IMMP2L: variants seen among roughly 807,000 people sequenced by gnomAD.
The protein encoded by IMMP2L is mitochondrial inner membrane protease subunit 2.
IMMP2L carries 18 observed loss-of-function variants against 19.3 expected under a neutral mutation model. The observed-to-expected ratio is 0.93, with a 90% CI of 0.64 to 1.38. The LOEUF is 1.38. Ranked by LOEUF, IMMP2L falls within the 40% of genes most tolerant of loss-of-function variation. The probability of loss-of-function intolerance (pLI) is 0.00; values close to 1 mark genes in which losing one functional copy is unlikely to be tolerated. For missense variants in IMMP2L, 233 were observed against 218.2 expected (o/e 1.07, Z -0.43); for synonymous variants, 76 against 73.0 (o/e 1.04, Z -0.21).
intron 3 of IMMP2L, among the ~76,000 whole-genome samples, chr7:111,234,811 T>C (rs1814100328): frequency 6.6e-6 from 1 of 152,126 alleles, no homozygotes; most frequent in Admixed American, 6.5e-5. Flanking sequence ...CCACATCATA[T>C]ATAGTATAAG....
Position 111,222,799 on chromosome 7 carries a change from C to T in IMMP2L, c.240-259234G>A, listed in dbSNP as rs1325426857. 3.3e-5 allele frequency among the ~76,000 whole-genome samples: 5 copies of T among 151,816 alleles called. No homozygotes were observed. In the East Asian group the frequency reaches 9.7e-4, roughly 29 times the overall value. On this transcript the variant is annotated intron_variant, in intron 3 of 5. Coordinates refer to ENST00000405709, the MANE Select transcript of IMMP2L (RefSeq NM_032549.4). ...TTTAGTAAATTAAAGAAATGTATAC[C>T]AAAGACCTGGCAATTCCACTTCTAG... is the stretch of plus-strand genomic sequence containing the variant.
chr7:110,997,437 G>T (rs998474702), intron 3 of IMMP2L, among the ~76,000 whole-genome samples: 2 of 152,024 alleles, frequency 1.3e-5, no homozygotes, highest in African/African-American at 4.8e-5. Context: ...GGGTTATATG[G>T]TCAAATTGTT....
chr7:111,356,564 A>G (rs1407483207), intron 3 of IMMP2L, among the ~76,000 whole-genome samples: 3 of 152,160 alleles, frequency 2.0e-5, no homozygotes, highest in Non-Finnish European at 4.4e-5. Flanking sequence ...CCCTTATTCA[A>G]CGTTAAATCC....
In IMMP2L at chr7:110,804,218, T is replaced by C. The variant is rs143811837; in HGVS notation, c.408+82375A>G. ...TCTGATCTTGGTATTAGAAACATAG[T>C]ATTTATTTAAATGCTAGATCCTTCT... On this transcript the variant is annotated intron_variant, in intron 5 of 5. Coordinates refer to ENST00000405709, the MANE Select transcript of IMMP2L (RefSeq NM_032549.4). Among the ~76,000 whole-genome samples, 479 of 152,200 alleles carry C rather than the reference T, an allele frequency of 3.1e-3. 5 individuals are homozygous for C. Among genetic ancestry groups the C allele is most frequent in the African/African-American group, 0.011 (444 of 41,566 alleles).
chr7:111,123,311 A>C lies in IMMP2L; in HGVS notation c.240-159746T>G, dbSNP rs759192602. On this transcript the variant is annotated intron_variant, in intron 3 of 5. Transcript: ENST00000405709. The surrounding 1 kb of genome is among the most constrained non-coding windows in gnomAD (Gnocchi z 6.4). ...AATTCAAATAGATTGCAGATGATCAACAGTAAGTGGTTTGATGCTCTTCCA... is the reference window on the plus strand; with the variant it reads ...AATTCAAATAGATTGCAGATGATCACCAGTAAGTGGTTTGATGCTCTTCCA... The C allele has an allele frequency of 3.1e-6, 5 of 1,613,890 alleles. No homozygotes were observed. The Admixed American group carries it at 6.7e-5, about 22-fold the overall frequency.
intron 3 of IMMP2L, among the ~76,000 whole-genome samples, chr7:111,266,707 C>G (rs1817878037): frequency 6.6e-6 from 1 of 152,012 alleles, no homozygotes; most frequent in East Asian, 1.9e-4. Context: ...AGACTAAGTC[C>G]CCAGTTAAAT....
chr7:111,530,591 C>A (rs570850743), intron 1 of IMMP2L, among the ~76,000 whole-genome samples: 4 of 151,122 alleles, frequency 2.6e-5, no homozygotes. Context: ...AGACTTAGTG[C>A]CAGAATTGGA....
chr7:111,015,624 G>A (rs1042853936), intron 3 of IMMP2L, among the ~76,000 whole-genome samples: 1 of 152,176 alleles, frequency 6.6e-6, no homozygotes, highest in Non-Finnish European at 1.5e-5. Flanking sequence ...TCCAAGACAG[G>A]CAAATCAGTA....
At chr7:111,368,811 G>T (rs993650644) in intron 3 of IMMP2L, among the ~76,000 whole-genome samples, 2 of 151,946 alleles carry the variant, frequency 1.3e-5, no homozygotes, top group East Asian at 3.9e-4. Context: ...TTTTCCAATG[G>T]TTTAGTATAC....
chr7:110,821,757 CA>C (rs1803052085), intron 5 of IMMP2L, among the ~76,000 whole-genome samples: 1 of 150,986 alleles, frequency 6.6e-6, no homozygotes, highest in Non-Finnish European at 1.5e-5. Context: ...CCACAAATTA[CA>C]AAAAGAAAAA....
At chr7:111,040,155 C>G (rs1029903) in intron 3 of IMMP2L, among the ~76,000 whole-genome samples, 108,272 of 152,076 alleles carry the variant, frequency 0.71, 39,281 homozygotes, top group African/African-American at 0.82. Context: ...GGTGACAAGA[C>G]CAAAACTCTG....
At chr7:111,043,143 A>G (rs1159546935) in intron 3 of IMMP2L, among the ~76,000 whole-genome samples, 4 of 152,150 alleles carry the variant, frequency 2.6e-5, no homozygotes, top group African/African-American at 7.2e-5. Context: ...TAATGGCCCA[A>G]CCTGTAGTAA....
chr7:111,179,918 T>C (rs949402561), intron 3 of IMMP2L, among the ~76,000 whole-genome samples: 6 of 151,874 alleles, frequency 4.0e-5, no homozygotes, highest in African/African-American at 1.5e-4. Flanking sequence ...GAACTAACTT[T>C]TGCTAGCTTC....
intron 3 of IMMP2L, among the ~76,000 whole-genome samples, chr7:111,278,384 A>T (rs1348557887): frequency 6.6e-6 from 1 of 152,114 alleles, no homozygotes; most frequent in African/African-American, 2.4e-5. Flanking sequence ...GGCTCCAGCC[A>T]CTCTCAAACT....
intron 3 of IMMP2L, among the ~76,000 whole-genome samples, chr7:111,093,045 T>C (rs1181176291): frequency 6.6e-6 from 1 of 152,118 alleles, no homozygotes; most frequent in Non-Finnish European, 1.5e-5. Context: ...CATAAATGTG[T>C]CAAAAAAATG....
chr7:111,414,193 T>C lies in IMMP2L; in HGVS notation c.239+73045A>G, dbSNP rs76167345. On this transcript the variant is annotated intron_variant, in intron 3 of 5. Transcript: ENST00000405709. ...AGAACCAGAAAGAGAAGCCCCTTCC[T>C]CCTGTTCCCCTGCAGGAAGATTCCG... is the stretch of plus-strand genomic sequence containing the variant. Among the ~76,000 whole-genome samples, 767 of 151,896 alleles carry C rather than the reference T, an allele frequency of 5.0e-3. 21 individuals are homozygous for C. Among genetic ancestry groups the C allele is most frequent in the African/African-American group, 0.018 (724 of 41,244 alleles).
At chr7:111,032,351 T>G (rs2129569115) in intron 3 of IMMP2L, among the ~76,000 whole-genome samples, 1 of 152,244 alleles carries the variant, frequency 6.6e-6, no homozygotes, top group East Asian at 1.9e-4. Flanking sequence ...CCTTGACAAA[T>G]GACTTCATTA....
intron 3 of IMMP2L, among the ~76,000 whole-genome samples, chr7:111,465,725 T>C (rs1390292826): frequency 6.6e-6 from 1 of 152,048 alleles, no homozygotes; most frequent in African/African-American, 2.4e-5. Flanking sequence ...ACACTGTTGG[T>C]GGGACTGTAA....
chr7:111,517,949 T>C (rs867732461), intron 2 of IMMP2L, among the ~76,000 whole-genome samples: 18 of 152,124 alleles, frequency 1.2e-4, no homozygotes, highest in Non-Finnish European at 2.2e-4. Context: ...TATAATGAAA[T>C]GAATGCAGCT....
Sources: allele counts gnomAD v4.1 joint callset (sites outside exome capture counted in the v4.1 genomes callset), GRCh38; gene constraint gnomAD v4.1.1; non-coding constraint Gnocchi (gnomAD v3.1); transcripts MANE v1.5; gene names NCBI Gene and HGNC (gene_info 2026-07-23, HGNC 2026-07-21).